Variants in ACCSL observed in about 807,000 individuals in gnomAD.
ACCSL encodes probable inactive 1-aminocyclopropane-1-carboxylate synthase-like protein 2.
A neutral mutation model predicts 61.7 loss-of-function variants in ACCSL; 55 were observed. The observed-to-expected ratio is 0.89, with a 90% CI of 0.72 to 1.12. The LOEUF (loss-of-function observed/expected upper bound fraction) is 1.12, where lower values mean the gene tolerates loss of function less well. Among genes scored for constraint, ACCSL ranks in the 50% most tolerant of loss-of-function variants. ACCSL has a pLI of 0.00. For missense variants in ACCSL, 632 were observed against 698.0 expected (o/e 0.91, Z 1.07); for synonymous variants, 258 against 264.3 (o/e 0.98, Z 0.23).
chr11:43,943,293 G>T, the ACCSL span: 1 of 1,462,594 alleles, frequency 6.8e-7, no homozygotes, highest in South Asian at 1.4e-5. This position sits in a 1 kb window ranked among gnomAD's most constrained non-coding sequence, Gnocchi z 4.8. Context: ...CCCGCGGGGG[G>T]GACGCGCGCG....
At chr11:43,991,866 A>G in the ACCSL span, among the ~76,000 whole-genome samples, 1 of 151,974 alleles carries the variant, frequency 6.6e-6, no homozygotes, top group East Asian at 1.9e-4. Context: ...CTCCCTGATA[A>G]TCAGGCCACC....
the ACCSL span, among the ~76,000 whole-genome samples, chr11:43,928,691 T>C: frequency 6.6e-6 from 1 of 152,108 alleles, no homozygotes; most frequent in African/African-American, 2.4e-5. Flanking sequence ...GCACTCTCTG[T>C]AGACAAGCAG....
At chr11:43,924,572 C>T in the ACCSL span, among the ~76,000 whole-genome samples, 1 of 152,254 alleles carries the variant, frequency 6.6e-6, no homozygotes, top group Non-Finnish European at 1.5e-5. Flanking sequence ...CCAGTGCTAG[C>T]CCCGCAGCCT....
the ACCSL span, among the ~76,000 whole-genome samples, chr11:43,928,799 A>G: frequency 6.6e-6 from 1 of 152,150 alleles, no homozygotes; most frequent in Admixed American, 6.5e-5. Flanking sequence ...CGGGAAAGAG[A>G]GTTAGGGAGG....
At chr11:43,943,406 G>A in the ACCSL span, 13 of 1,408,282 alleles carry the variant, frequency 9.2e-6, no homozygotes, top group Admixed American at 2.9e-5. This position sits in a 1 kb window ranked among gnomAD's most constrained non-coding sequence, Gnocchi z 4.8. Context: ...CGCGCGCTCG[G>A]ACTCCCGCCC....
chr11:43,923,396 A>C, the ACCSL span, among the ~76,000 whole-genome samples: 1 of 152,114 alleles, frequency 6.6e-6, no homozygotes, highest in African/African-American at 2.4e-5. Flanking sequence ...GGCTTTGGTA[A>C]AGCTGAATGT....
At chr11:43,967,167 C>CCTTTTT in the ACCSL span, among the ~76,000 whole-genome samples, 1 of 62,694 alleles carries the variant, frequency 1.6e-5, no homozygotes, top group African/African-American at 6.8e-5. Flanking sequence ...TCTTCTTCTT[C>CCTTTTT]TTTTTTTTTT....
chr11:44,041,606 T>C, the ACCSL span, among the ~76,000 whole-genome samples: 2 of 152,220 alleles, frequency 1.3e-5, no homozygotes, highest in Admixed American at 1.3e-4. Flanking sequence ...TATGTTAAAC[T>C]CTTGTAGATC....
the ACCSL span, among the ~76,000 whole-genome samples, chr11:43,964,563 A>G: frequency 3.9e-5 from 6 of 152,210 alleles, no homozygotes; most frequent in African/African-American, 1.4e-4. Context: ...CCTCAAAATC[A>G]TTCAAAAAAT....
At chr11:43,989,298 C>T in the ACCSL span, among the ~76,000 whole-genome samples, 1 of 152,216 alleles carries the variant, frequency 6.6e-6, no homozygotes, top group African/African-American at 2.4e-5. Flanking sequence ...ACAGAGTCAA[C>T]AGAAGAGGAA....
chr11:44,019,376 A>T, the ACCSL span, among the ~76,000 whole-genome samples: 1 of 152,200 alleles, frequency 6.6e-6, no homozygotes. Flanking sequence ...TGGCTGCATC[A>T]TTTTACAATC....
the ACCSL span, among the ~76,000 whole-genome samples, chr11:44,019,963 C>T: frequency 6.6e-6 from 1 of 152,190 alleles, no homozygotes; most frequent in Admixed American, 6.5e-5. Context: ...CATCCTTTTG[C>T]ATGTGGATAT....
At chr11:44,054,374 C>G (rs1259167546) in intron 8 of ACCSL, among the ~76,000 whole-genome samples, 1 of 152,004 alleles carries the variant, frequency 6.6e-6, no homozygotes, top group African/African-American at 2.4e-5. Flanking sequence ...GGTTCACTTC[C>G]CAGCTATAGC....
At chr11:43,955,811 C>T in the ACCSL span, among the ~76,000 whole-genome samples, 1 of 151,944 alleles carries the variant, frequency 6.6e-6, no homozygotes, top group African/African-American at 2.4e-5. Flanking sequence ...TACACCTTAG[C>T]ACAATTCAAG....
the ACCSL span, among the ~76,000 whole-genome samples, chr11:44,027,161 A>C: frequency 1.3e-5 from 2 of 152,310 alleles, no homozygotes; most frequent in African/African-American, 4.8e-5. Context: ...AGCCTTTGCC[A>C]AGAGGTATTT....
the ACCSL span, chr11:43,922,340 T>C: frequency 1.3e-5 from 2 of 152,192 alleles, no homozygotes; most frequent in Non-Finnish European, 2.9e-5. Flanking sequence ...TCTCGGCCTG[T>C]TTGGTTTCCC....
chr11:44,012,379 C>T, the ACCSL span, among the ~76,000 whole-genome samples: 6 of 152,086 alleles, frequency 3.9e-5, no homozygotes, highest in South Asian at 2.1e-4. Context: ...CTCCGCCTCC[C>T]GTGTTCAAGC....
the ACCSL span, among the ~76,000 whole-genome samples, chr11:43,951,609 G>A: frequency 6.6e-6 from 1 of 152,160 alleles, no homozygotes; most frequent in Admixed American, 6.5e-5. Context: ...GATTATGATG[G>A]TTTGACCCCC....
chr11:43,943,483 C>T, the ACCSL span: 2 of 1,396,432 alleles, frequency 1.4e-6, no homozygotes, highest in East Asian at 4.1e-5. The surrounding 1 kb of genome is among the most constrained non-coding windows in gnomAD (Gnocchi z 4.8). Flanking sequence ...GGAGCGGGGC[C>T]GCTTTCCTCG....
Sources: gnomAD v4.1 joint callset for allele counts (sites outside exome capture counted in the v4.1 genomes callset) on GRCh38, gnomAD v4.1.1 for gene constraint, Gnocchi (gnomAD v3.1) non-coding constraint, MANE v1.5 for transcripts, NCBI Gene and HGNC (gene_info 2026-07-23, HGNC 2026-07-21) for gene names.